The following SSBP4 variants were observed in gnomAD, a reference collection of about 807,000 sequenced individuals.
The protein encoded by SSBP4 is single stranded DNA binding protein 4.
SSBP4 carries 33 observed loss-of-function variants against 64.6 expected under a neutral mutation model. That is an observed-to-expected ratio of 0.51 (90% CI 0.39 to 0.68). SSBP4 has a LOEUF of 0.68. SSBP4 is among the 30% of genes least tolerant of loss of function. SSBP4 has a pLI of 0.00. For synonymous variants in SSBP4, 243 were observed against 224.0 expected, an observed-to-expected ratio of 1.08 and a Z score of -0.76; for missense variants, 583 against 566.8, an observed-to-expected ratio of 1.03 and a Z score of -0.29.
chr19:18,405,497 CAAAA>C, the SSBP4 span, among the ~76,000 whole-genome samples: 1 of 124,268 alleles, frequency 8.0e-6, no homozygotes. Flanking sequence ...TCTGTCTCTA[CAAAA>C]AAAAAAAAAA....
Position 18,430,989 on chromosome 19 carries a change from T to TG in SSBP4, c.369+67dup, listed in dbSNP as rs533134447. The TG allele has an allele frequency of 2.2e-3, 3,388 of 1,559,908 alleles. 26 individuals carry two copies. The African/African-American group carries it at 0.026, about 12-fold the overall frequency. ...CTCTGGCTGAACATGCGTTTGAGGGTGGGGGGGGTCCCACGTGGGCAGAGG... is the reference window on the plus strand; with the variant it reads ...CTCTGGCTGAACATGCGTTTGAGGGTGGGGGGGGGTCCCACGTGGGCAGAGG... On this transcript the variant is annotated intron_variant, in intron 5 of 17. Coordinates refer to ENST00000270061, the MANE Select transcript of SSBP4 (RefSeq NM_032627.5).
intron 1 of SSBP4, among the ~76,000 whole-genome samples, chr19:18,422,699 G>C (rs367562901): frequency 1.6e-4 from 25 of 152,348 alleles, no homozygotes; most frequent in African/African-American, 6.0e-4. Context: ...GTGGGAGCCC[G>C]TAGGCAGAGC....
In SSBP4 at chr19:18,427,816, A is replaced by G. The variant is rs779411973; in HGVS notation, c.194+3A>G. On this transcript the variant is annotated splice_donor_region_variant and intron_variant, in intron 3 of 17. Transcript: ENST00000270061. The surrounding 1 kb of genome is among the most constrained non-coding windows in gnomAD (Gnocchi z 4.4). ...GGGTTCCTGCACTCCTGGTGGTGGT[A>G]CGGGCTGGGCTGCTGTGGGTGGGCT... 1 of 1,610,792 alleles carries G rather than the reference A, an allele frequency of 6.2e-7. No individual in the cohort carries two copies. Among genetic ancestry groups the G allele is most frequent in the East Asian group, 2.2e-5 (1 of 44,782 alleles).
chr19:18,419,595 G>A lies in SSBP4; in HGVS notation c.-54G>A. 1 of 1,233,494 alleles carries A rather than the reference G, an allele frequency of 8.1e-7. No individual in the cohort carries two copies. The highest frequency in any genetic ancestry group is 2.3e-5 in the South Asian group (1 of 42,818). 76.4% of individuals were successfully genotyped at this position (1,233,494 alleles called of 1,614,324 possible). ...GGTAGCTATGGCGACGGCAAGCGCG[G>A]CCCGCGGCGCCGCCTGACAGGTGTG... On this transcript the variant is annotated 5_prime_UTR_variant, in exon 1 of 18. Transcript: ENST00000270061.
chr19:18,419,669 G>C lies in SSBP4; in HGVS notation c.21G>C (p.Lys7Asn). MYAKGGKGSAVPSDSQA... is the reference protein window; with the variant it reads MYAKGGNGSAVPSDSQA... ...GCAGCATGTACGCCAAGGGGGGCAA[G>C]GGTTCGGCCGTGCCCTCCGACAGCC... The change falls in exon 1 of 18, where the codon AAG becomes AAC. Residue 7 changes from lysine (K) to asparagine (N), a missense_variant. Physicochemically the swap from Lys to Asn is moderately conservative, Grantham distance 94. This residue lies in a region of SSBP4 where 39 missense variants were observed against 25.7 expected (regional missense o/e 1.52). Coordinates refer to ENST00000270061, the MANE Select transcript of SSBP4 (RefSeq NM_032627.5). 1 of 1,219,784 alleles carries C rather than the reference G, an allele frequency of 8.2e-7. No individual in the cohort carries two copies. The highest frequency in any genetic ancestry group is 2.6e-5 in the South Asian group (1 of 38,086). 75.6% of individuals were successfully genotyped at this position (1,219,784 alleles called of 1,614,324 possible). A position where few individuals can be genotyped will look rare whatever the true frequency, so the allele number is the denominator to read the frequency against.
intron 1 of SSBP4, among the ~76,000 whole-genome samples, chr19:18,421,139 G>T (rs1972435621): frequency 6.6e-6 from 1 of 152,232 alleles, no homozygotes; most frequent in Non-Finnish European, 1.5e-5. Flanking sequence ...GCTGACTTGG[G>T]ATGCCCCACC....
the SSBP4 span, among the ~76,000 whole-genome samples, chr19:18,412,415 C>T: frequency 9.2e-5 from 13 of 140,862 alleles, no homozygotes; most frequent in Non-Finnish European, 1.5e-4. Context: ...GAGTCGAGAT[C>T]GCACCACGGC....
At chr19:18,414,032 C>CA (rs530358060), upstream of SSBP4, among the ~76,000 whole-genome samples, 17 of 151,276 alleles carry the variant, frequency 1.1e-4, no homozygotes, top group Admixed American at 7.3e-4. Flanking sequence ...AACAAACAAA[C>CA]AAAAAAAACG....
chr19:18,417,276 G>T (rs1186409961), upstream of SSBP4, among the ~76,000 whole-genome samples: 1 of 152,216 alleles, frequency 6.6e-6, no homozygotes, highest in Non-Finnish European at 1.5e-5. The surrounding 1 kb of genome is among the most constrained non-coding windows in gnomAD (Gnocchi z 5.4). Flanking sequence ...GGTCTCCGGA[G>T]CCCAGCACAC....
At position 18,433,835 on chromosome 19, in the gene SSBP4, C is replaced by T. The variant is rs1489986962; in HGVS notation, c.1128+18C>T. The T allele has an allele frequency of 2.2e-6, 3 of 1,391,358 alleles. No homozygotes were observed. The highest frequency in any genetic ancestry group is 2.8e-6 in the Non-Finnish European group (3 of 1,077,536). 86.2% of individuals were successfully genotyped at this position (1,391,358 alleles called of 1,614,324 possible). A position where few individuals can be genotyped will look rare whatever the true frequency, so the allele number is the denominator to read the frequency against. ...GCGAAAGCGTAAGCGACTGCGTCGA[C>T]TCCCCCCCCGCGGCGGCGTCGGGCC... On this transcript the variant is annotated intron_variant, in intron 17 of 17. Coordinates refer to ENST00000270061, the MANE Select transcript of SSBP4 (RefSeq NM_032627.5).
At chr19:18,409,568 T>A in the SSBP4 span, among the ~76,000 whole-genome samples, 1 of 151,906 alleles carries the variant, frequency 6.6e-6, no homozygotes, top group Non-Finnish European at 1.5e-5. Flanking sequence ...AAAATTAGAG[T>A]CAAGGAGTCG....
chr19:18,424,263 T>A (rs2144708982), intron 1 of SSBP4, among the ~76,000 whole-genome samples: 1 of 152,292 alleles, frequency 6.6e-6, no homozygotes, highest in African/African-American at 2.4e-5. Context: ...CCTCCCGGCA[T>A]CCCAGGAGGG....
upstream of SSBP4, among the ~76,000 whole-genome samples, chr19:18,416,490 T>G (rs763391044): frequency 2.6e-5 from 4 of 152,116 alleles, no homozygotes; most frequent in East Asian, 5.8e-4. Context: ...CCCATGGAGC[T>G]TCTTAAAATC....
At chr19:18,424,354 G>A (rs188020708) in intron 1 of SSBP4, among the ~76,000 whole-genome samples, 6 of 152,242 alleles carry the variant, frequency 3.9e-5, no homozygotes, top group Admixed American at 3.3e-4. Flanking sequence ...GTTGCAGTGA[G>A]CAGACTCCAA....
chr19:18,422,565 A>G (rs1370156173), intron 1 of SSBP4, among the ~76,000 whole-genome samples: 1 of 152,216 alleles, frequency 6.6e-6, no homozygotes, highest in Non-Finnish European at 1.5e-5. Context: ...GGCCCTGGAG[A>G]GGAAGCCACC....
intron 17 of SSBP4, 82 bp downstream of exon 17, chr19:18,433,899 G>A: frequency 7.8e-7 from 1 of 1,283,838 alleles, no homozygotes; most frequent in Non-Finnish European, 9.8e-7. Flanking sequence ...GGCGGCCGGG[G>A]GGCCAGAGCA....
At chr19:18,411,775 G>A in the SSBP4 span, among the ~76,000 whole-genome samples, 1 of 151,938 alleles carries the variant, frequency 6.6e-6, no homozygotes, top group African/African-American at 2.4e-5. Context: ...TAAGCCAAAG[G>A]ACCCCCAGAA....
At chr19:18,403,852 C>T in the SSBP4 span, among the ~76,000 whole-genome samples, 1 of 151,984 alleles carries the variant, frequency 6.6e-6, no homozygotes, top group African/African-American at 2.4e-5. Context: ...GGGGACAGCT[C>T]AAGGCTCCAC....
the SSBP4 span, among the ~76,000 whole-genome samples, chr19:18,411,001 G>A: frequency 2.6e-5 from 4 of 152,158 alleles, no homozygotes; most frequent in East Asian, 7.7e-4. Flanking sequence ...TCGGCCGGGC[G>A]CGGTGGCTCA....
Sources: gnomAD v4.1 joint callset for allele counts (sites outside exome capture counted in the v4.1 genomes callset) on GRCh38, gnomAD v4.1.1 for gene constraint, gnomAD v4.1.1 regional missense constraint, Gnocchi (gnomAD v3.1) non-coding constraint, MANE v1.5 for transcripts, NCBI Gene and HGNC (gene_info 2026-07-23, HGNC 2026-07-21) for gene names.